Variants in NR1D2 observed in about 807,000 individuals in gnomAD.
NR1D2 encodes the protein V-erbA-related protein 1-related.
A neutral mutation model predicts 52.2 loss-of-function variants in NR1D2; 25 were observed. The ratio of observed to expected loss-of-function variants is 0.48; its 90% confidence interval spans 0.35 to 0.67. The LOEUF (loss-of-function observed/expected upper bound fraction) is 0.67. NR1D2 is among the 30% of genes least tolerant of loss of function. The probability of loss-of-function intolerance (pLI) is 0.01; values close to 1 mark genes in which losing one functional copy is unlikely to be tolerated. For missense variants in NR1D2, 681 were observed against 707.2 expected, an observed-to-expected ratio of 0.96 and a Z score of 0.42; for synonymous variants, 259 against 230.1, an observed-to-expected ratio of 1.13 and a Z score of -1.14.
intron 1 of NR1D2, among the ~76,000 whole-genome samples, chr3:23,951,147 C>T (rs979759817): frequency 2.6e-5 from 4 of 152,036 alleles, no homozygotes; most frequent in Non-Finnish European, 5.9e-5. Flanking sequence ...TCAGGTGATC[C>T]GCCTGCCTCG....
chr3:23,967,404 C>G (rs1706474761), intron 6 of NR1D2, among the ~76,000 whole-genome samples: 1 of 151,964 alleles, frequency 6.6e-6, no homozygotes, highest in African/African-American at 2.4e-5. Flanking sequence ...CACCTGAGGT[C>G]AGGAGTTTGA....
At chr3:23,949,383 AAAC>A (rs1208240817) in intron 1 of NR1D2, among the ~76,000 whole-genome samples, 1 of 152,038 alleles carries the variant, frequency 6.6e-6, no homozygotes, top group East Asian at 1.9e-4. Flanking sequence ...AAACAACAAA[AAAC>A]ACACCATTTA....
intron 1 of NR1D2, chr3:23,946,059 C>T (rs1705687737): frequency 1.0e-6 from 1 of 973,998 alleles, no homozygotes; most frequent in African/African-American, 1.8e-5. Flanking sequence ...GCTGGGAGCG[C>T]CGCAGCCTCC....
At chr3:23,960,422 C>T (rs1193546675) in intron 4 of NR1D2, among the ~76,000 whole-genome samples, 2 of 152,138 alleles carry the variant, frequency 1.3e-5, no homozygotes. Context: ...CCTCTATCTC[C>T]CAGGTTCAAG....
rs945946589 is a variant in NR1D2 at position 23,978,077 on chromosome 3, A to C, written c.*658A>C. 2 of 152,198 alleles carry C rather than the reference A, an allele frequency of 1.3e-5. No individual in the cohort carries two copies. The highest frequency in any genetic ancestry group is 2.4e-5 in the African/African-American group (1 of 41,452). 9.4% of individuals were successfully genotyped at this position (152,198 alleles called of 1,614,324 possible). On this transcript the variant is annotated 3_prime_UTR_variant, in exon 8 of 8. Transcript: ENST00000312521. ...AATTTCTGTTATTACAATTATTCAT[A>C]ATAATATTCTTTTCTTATTTCTAAG...
intron 7 of NR1D2, among the ~76,000 whole-genome samples, chr3:23,971,570 A>G (rs968614427): frequency 6.6e-6 from 1 of 152,136 alleles, no homozygotes; most frequent in Non-Finnish European, 1.5e-5. Context: ...TGCCCAGCCT[A>G]TACCTCTTTT....
rs765490922 is a variant in NR1D2, at chr3:23,956,053, T to C, written c.300T>C (p.Val100=). ...HSGVTKFSGM[V]LLCKVCGDVA... is the part of the protein sequence containing the mutation. ...GTGTCCTAGAATTTAGTGGCATGGT[T>C]CTACTGTGTAAAGTCTGTGGGGATG... Residue 100 remains valine (V), a synonymous_variant, in exon 3 of 8, where the codon GTT becomes GTC. Transcript: ENST00000312521. 4 of 1,613,876 alleles carry C rather than the reference T, an allele frequency of 2.5e-6. No individual in the cohort carries two copies. Among genetic ancestry groups the C allele is most frequent in the Non-Finnish European group, 3.4e-6 (4 of 1,179,740 alleles).
rs1342648876 is a variant in NR1D2, at chr3:23,945,514, C to CGGG, written c.-63_-62insGGG. 3 of 1,019,190 alleles carry CGGG rather than the reference C, an allele frequency of 2.9e-6. No individual in the cohort carries two copies. Among genetic ancestry groups the CGGG allele is most frequent in the African/African-American group, 1.7e-5 (1 of 57,896 alleles). The allele number at this position is 1,019,190 out of a possible 1,614,324, so 63.1% of individuals were successfully genotyped here. ...AGCCCGGGGCGGCGCGGCGCTGAGG[C>CGGG]GGCGGCGGCGGCGCTGCCCCCTCTG... On this transcript the variant is annotated 5_prime_UTR_variant, in exon 1 of 8. Transcript: ENST00000312521.
In NR1D2 at chr3:23,945,517, C is replaced by CGGT. The variant is rs2125275369; in HGVS notation, c.-60_-59insTGG. ...CCGGGGCGGCGCGGCGCTGAGGCGG[C>CGGT]GGCGGCGGCGCTGCCCCCTCTGCGG... On this transcript the variant is annotated 5_prime_UTR_variant, in exon 1 of 8. Transcript: ENST00000312521. 2 of 1,067,858 alleles carry CGGT rather than the reference C, an allele frequency of 1.9e-6. No homozygotes were observed. Among genetic ancestry groups the CGGT allele is most frequent in the Non-Finnish European group, 2.3e-6 (2 of 867,148 alleles). The allele number at this position is 1,067,858 out of a possible 1,614,324, so 66.1% of individuals were successfully genotyped here. A position where few individuals can be genotyped will look rare whatever the true frequency, so the allele number is the denominator to read the frequency against.
At chr3:23,946,097 C>G in intron 1 of NR1D2, 1 of 984,736 alleles carries the variant, frequency 1.0e-6, no homozygotes, top group South Asian at 4.7e-5. Flanking sequence ...TTGGAAGCCT[C>G]GGGGCAGTGA....
chr3:23,967,117 C>A (rs947924807), intron 6 of NR1D2, among the ~76,000 whole-genome samples: 1 of 151,844 alleles, frequency 6.6e-6, no homozygotes, highest in Admixed American at 6.6e-5. Context: ...CCTAAGGTCA[C>A]GAGTTTGAGA....
chr3:23,950,876 ATTTCT>A (rs938370254), intron 1 of NR1D2, among the ~76,000 whole-genome samples: 5 of 143,220 alleles, frequency 3.5e-5, no homozygotes, highest in African/African-American at 7.9e-5. Context: ...CATAGCTCTA[ATTTCT>A]TTTCTTTTCT....
chr3:23,977,341 G>A lies in NR1D2; in HGVS notation c.1662G>A (p.Leu554=). ...ATGAGGCCTCTATTTTTACAAAACT[G>A]CTTCTAAAGTTGCCAGATCTTCGAT... is the stretch of plus-strand genomic sequence containing the variant. ...HPNEASIFTK[L]LLKLPDLRSL... Residue 554 remains leucine, a synonymous_variant, in exon 8 of 8, where the codon CTG becomes CTA. Transcript: ENST00000312521. 5.0e-6 allele frequency: 8 copies of A among 1,613,716 alleles called. 1 individual carries two copies. The South Asian group carries it at 6.6e-5, about 13-fold the overall frequency.
chr3:23,962,948 G>T (rs966987358), intron 5 of NR1D2, among the ~76,000 whole-genome samples: 2 of 151,104 alleles, frequency 1.3e-5, no homozygotes, highest in African/African-American at 2.4e-5. Context: ...CTAGCTTTGG[G>T]ATTTTCTCAA....
chr3:23,963,275 A>G (rs551290781), intron 5 of NR1D2: 2 of 1,351,814 alleles, frequency 1.5e-6, no homozygotes, highest in Non-Finnish European at 2.0e-6. Flanking sequence ...GTACCACACC[A>G]TTTCCAGTTT....
chr3:23,968,540 T>C (rs1207574340), intron 7 of NR1D2, among the ~76,000 whole-genome samples: 1 of 152,232 alleles, frequency 6.6e-6, no homozygotes, highest in Non-Finnish European at 1.5e-5. Context: ...TTGGATTCCT[T>C]CCTCATCCTG....
chr3:23,962,771 T>A (rs539435400), intron 5 of NR1D2, among the ~76,000 whole-genome samples, 166 bp downstream of exon 5: 12 of 152,164 alleles, frequency 7.9e-5, no homozygotes, highest in African/African-American at 2.9e-4. Context: ...AATAAACATC[T>A]TCTGATGAAT....
intron 1 of NR1D2, among the ~76,000 whole-genome samples, chr3:23,945,916 G>C (rs908240837): frequency 6.6e-6 from 1 of 150,886 alleles, no homozygotes; most frequent in African/African-American, 2.4e-5. Flanking sequence ...GGGCGGGCGC[G>C]TGACGCGGCA....
At chr3:23,948,581 A>G (rs1030784870) in intron 1 of NR1D2, among the ~76,000 whole-genome samples, 2 of 151,882 alleles carry the variant, frequency 1.3e-5, no homozygotes, top group Non-Finnish European at 2.9e-5. Flanking sequence ...TAATGATGAC[A>G]AAAAAATAAT....
Sources: gnomAD v4.1 joint callset for allele counts (sites outside exome capture counted in the v4.1 genomes callset) on GRCh38, gnomAD v4.1.1 for gene constraint, MANE v1.5 for transcripts, NCBI Gene and HGNC (gene_info 2026-07-23, HGNC 2026-07-21) for gene names.